Variants in SLC35D1 observed in about 807,000 individuals in gnomAD.
SLC35D1 encodes nucleotide sugar transporter SLC35D1.
In SLC35D1, 31 loss-of-function variants were observed where a neutral mutation model predicts 46.7. The observed-to-expected ratio is 0.66, with a 90% CI of 0.50 to 0.90. The LOEUF is 0.90. Among genes scored for constraint, SLC35D1 ranks in the 40% least tolerant of loss-of-function variants. The pLI, the probability that SLC35D1 is intolerant of heterozygous loss-of-function variation, is 0.00. For synonymous variants in SLC35D1, 195 were observed against 164.6 expected, an observed-to-expected ratio of 1.18 and a Z score of -1.41; for missense variants, 397 against 426.2, an observed-to-expected ratio of 0.93 and a Z score of 0.60.
At chr1:66,981,970 T>G in the SLC35D1 span, 2 of 1,586,878 alleles carry the variant, frequency 1.3e-6, no homozygotes, top group Non-Finnish European at 1.7e-6. Flanking sequence ...GACACTTTCT[T>G]GCAGTGACTT....
chr1:66,985,493 T>C, the SLC35D1 span: 7 of 983,236 alleles, frequency 7.1e-6, no homozygotes, highest in Non-Finnish European at 8.5e-6. Context: ...ATATGTAAAA[T>C]TGTTGACATC....
chr1:67,031,505 C>T (rs1046679643), intron 8 of SLC35D1, among the ~76,000 whole-genome samples: 40 of 152,170 alleles, frequency 2.6e-4, no homozygotes, highest in African/African-American at 9.4e-4. Flanking sequence ...CTAGTAAGTA[C>T]CTGTTCAGCT....
intron 8 of SLC35D1, chr1:67,032,033 C>G (rs1023345431): frequency 4.1e-6 from 4 of 984,956 alleles, no homozygotes; most frequent in East Asian, 1.1e-4. Flanking sequence ...CCTGGTCATT[C>G]TGTGTGTGAC....
chr1:67,050,978 T>C (rs1282324071), intron 4 of SLC35D1, among the ~76,000 whole-genome samples: 3 of 152,232 alleles, frequency 2.0e-5, no homozygotes, highest in Admixed American at 6.5e-5. Flanking sequence ...TCTTGCAATA[T>C]AGTTATTTCT....
chr1:66,984,112 A>C, the SLC35D1 span, among the ~76,000 whole-genome samples: 1 of 152,208 alleles, frequency 6.6e-6, no homozygotes, highest in African/African-American at 2.4e-5. Flanking sequence ...CAGTTTACTC[A>C]AGCTTTTTAA....
At chr1:67,051,500 T>A (rs1645308090) in intron 4 of SLC35D1, among the ~76,000 whole-genome samples, 1 of 152,252 alleles carries the variant, frequency 6.6e-6, no homozygotes, top group Non-Finnish European at 1.5e-5. Flanking sequence ...AAAATAAGTA[T>A]GTTGCCTCTA....
the SLC35D1 span, among the ~76,000 whole-genome samples, chr1:66,973,953 A>G: frequency 6.6e-6 from 1 of 152,060 alleles, no homozygotes; most frequent in Non-Finnish European, 1.5e-5. Context: ...CTCTCTTTTT[A>G]TACATTTGGA....
At chr1:67,037,341 G>A (rs529228118) in intron 8 of SLC35D1, among the ~76,000 whole-genome samples, 73 of 152,068 alleles carry the variant, frequency 4.8e-4, no homozygotes, top group African/African-American at 1.7e-3. Context: ...CCTAGGTTAA[G>A]GAAATTAAGA....
chr1:67,037,931 G>A (rs1164415795), intron 8 of SLC35D1, among the ~76,000 whole-genome samples: 1 of 152,136 alleles, frequency 6.6e-6, no homozygotes, highest in Non-Finnish European at 1.5e-5. Flanking sequence ...TGTCAGTGGT[G>A]CCACCTATAT....
the SLC35D1 span, among the ~76,000 whole-genome samples, chr1:66,993,152 C>T: frequency 1.3e-5 from 2 of 152,058 alleles, no homozygotes; most frequent in African/African-American, 4.8e-5. Flanking sequence ...GAGAAATTCC[C>T]CCAGCTGGAA....
the SLC35D1 span, chr1:66,973,005 ATC>A: frequency 6.7e-7 from 1 of 1,491,514 alleles, no homozygotes; most frequent in Non-Finnish European, 9.3e-7. Flanking sequence ...AGTAATGATA[ATC>A]TCTTTTTTGC....
intron 8 of SLC35D1, among the ~76,000 whole-genome samples, chr1:67,025,546 A>G (rs930705717): frequency 2.0e-4 from 30 of 152,204 alleles, no homozygotes; most frequent in African/African-American, 3.6e-4. Flanking sequence ...AACTGATTTG[A>G]CTATACTAAG....
chr1:66,973,639 AT>A, the SLC35D1 span, among the ~76,000 whole-genome samples: 1 of 152,044 alleles, frequency 6.6e-6, no homozygotes, highest in Non-Finnish European at 1.5e-5. Context: ...TATAACTGAA[AT>A]TAGGTATGAT....
chr1:66,985,018 TCTTAA>T, the SLC35D1 span: 12 of 1,408,228 alleles, frequency 8.5e-6, no homozygotes, highest in Non-Finnish European at 1.0e-5. Flanking sequence ...TTGAATTGAG[TCTTAA>T]CTTTAGGAAA....
intron 8 of SLC35D1, among the ~76,000 whole-genome samples, chr1:67,033,144 G>A (rs927849373): frequency 2.0e-5 from 3 of 151,696 alleles, no homozygotes; most frequent in Admixed American, 1.3e-4. Flanking sequence ...CCATTCATTC[G>A]CTGATGGACA....
chr1:67,022,456 C>T (rs938065709), intron 8 of SLC35D1, among the ~76,000 whole-genome samples: 7 of 152,202 alleles, frequency 4.6e-5, no homozygotes, highest in Non-Finnish European at 8.8e-5. Context: ...CCTCAACATT[C>T]GTCTGACTCC....
At chr1:66,998,240 A>C (rs1378096688), downstream of SLC35D1, among the ~76,000 whole-genome samples, 1 of 152,138 alleles carries the variant, frequency 6.6e-6, no homozygotes, top group Non-Finnish European at 1.5e-5. Flanking sequence ...TGTAATTCCA[A>C]CACTTTGGGA....
At chr1:67,020,473 T>G in intron 9 of SLC35D1, 26 bp from the exon 10 acceptor site, 3 of 1,498,516 alleles carry the variant, frequency 2.0e-6, no homozygotes, top group Non-Finnish European at 2.8e-6. Context: ...AGGTATAAAA[T>G]CCAGTTTCTC....
rs116249251 is a variant in SLC35D1 at position 67,049,904 on chromosome 1, T to C, written c.465-54A>G. Reference sequence around the variant, plus strand: ...ACATGACTTTATTCCCACACTCATTTTACAACAGAAGCAAAAAATGGGATA... The same window carrying C: ...ACATGACTTTATTCCCACACTCATTCTACAACAGAAGCAAAAAATGGGATA... On this transcript the variant is annotated intron_variant, in intron 5 of 11. Coordinates refer to ENST00000235345, the MANE Select transcript of SLC35D1 (RefSeq NM_015139.3). 2.9e-4 allele frequency: 380 copies of C among 1,304,350 alleles called. No individual in the cohort carries two copies. The African/African-American group carries it at 5.3e-3, about 18-fold the overall frequency. The allele number at this position is 1,304,350 out of a possible 1,614,324, so 80.8% of individuals were successfully genotyped here. A position where few individuals can be genotyped will look rare whatever the true frequency, so the allele number is the denominator to read the frequency against.
Sources: allele counts gnomAD v4.1 joint callset (sites outside exome capture counted in the v4.1 genomes callset), GRCh38; gene constraint gnomAD v4.1.1; transcripts MANE v1.5; gene names NCBI Gene and HGNC (gene_info 2026-07-23, HGNC 2026-07-21).